Variants in GNA11 observed in about 807,000 individuals in gnomAD.
GNA11 encodes the protein guanine nucleotide-binding protein subunit alpha-11.
GNA11 carries 8 observed loss-of-function variants against 38.2 expected under a neutral mutation model. The ratio of observed to expected loss-of-function variants is 0.21; its 90% CI spans 0.12 to 0.38. GNA11 has a LOEUF of 0.38. Ranked by LOEUF, GNA11 falls within the 10% of genes least tolerant of loss-of-function variation. The pLI is 1.00. For missense variants in GNA11, 268 were observed against 516.3 expected, an observed-to-expected ratio of 0.52 and a Z score of 4.66; for synonymous variants, 211 against 221.4, an observed-to-expected ratio of 0.95 and a Z score of 0.42.
In GNA11 at chr19:3,119,501, TCTC is replaced by T; in HGVS notation, c.889+143_889+145del. On this transcript the variant is annotated intron_variant, in intron 6 of 6. Coordinates refer to ENST00000078429, the MANE Select transcript of GNA11 (RefSeq NM_002067.5). This position sits in a 1 kb window ranked among gnomAD's most constrained non-coding sequence, Gnocchi z 4.6. ...GGAGGTGTCATGTATGGGAGTGGAGTCTCAGGGAAGGGAGATCTCGTATGAGGG... is the reference window on the plus strand; with the variant it reads ...GGAGGTGTCATGTATGGGAGTGGAGTAGGGAAGGGAGATCTCGTATGAGGG... The T allele has an allele frequency of 6.2e-6, 4 of 643,930 alleles. No individual in the cohort carries two copies. The highest frequency in any genetic ancestry group is 7.6e-6 in the Non-Finnish European group (3 of 395,938). 39.9% of individuals were successfully genotyped at this position (643,930 alleles called of 1,614,324 possible).
At position 3,094,996 on chromosome 19, in the gene GNA11, C is replaced by T. The variant is rs1311942208; in HGVS notation, c.136+209C>T. The stretch of plus-strand genomic sequence containing the variant: ...TCAGCCCTGCCTGTGCCTTCACTGC[C>T]TGTCCGGGTCGGGGCGGGGCCCTCC... On this transcript the variant is annotated intron_variant, in intron 1 of 6. Coordinates refer to ENST00000078429, the MANE Select transcript of GNA11 (RefSeq NM_002067.5). This position sits in a 1 kb window ranked among gnomAD's most constrained non-coding sequence, Gnocchi z 6.0. Among the ~76,000 whole-genome samples the T allele has an allele frequency of 2.6e-5, 4 of 151,614 alleles. No homozygotes were observed. The East Asian group carries it at 7.8e-4, about 30-fold the overall frequency.
Position 3,122,679 on chromosome 19 carries a change from GC to G in GNA11, c.*1502del. 4.3e-6 allele frequency: 1 copy of G among 233,518 alleles called. No individual in the cohort carries two copies. The highest frequency in any genetic ancestry group is 8.5e-6 in the Non-Finnish European group (1 of 118,306). The allele number at this position is 233,518 out of a possible 1,614,324, so 14.5% of individuals were successfully genotyped here. ...TGGATCGCCTGTGCTGCCTTCGCCC[GC>G]CGCCACACCGGGACCCTGCACGGCT... On this transcript the variant is annotated 3_prime_UTR_variant, in exon 7 of 7. Transcript: ENST00000078429. This position sits in a 1 kb window ranked among gnomAD's most constrained non-coding sequence, Gnocchi z 7.7.
In GNA11 at chr19:3,094,408, T is replaced by A. The variant is rs960791044; in HGVS notation, c.-244T>A. On this transcript the variant is annotated 5_prime_UTR_variant, in exon 1 of 7. Coordinates refer to ENST00000078429, the MANE Select transcript of GNA11 (RefSeq NM_002067.5). This position sits in a 1 kb window ranked among gnomAD's most constrained non-coding sequence, Gnocchi z 6.0. Reference sequence around the variant, plus strand: ...CGGTTGCGGCGGCTGCGGTTGGCGGTGGCTGCGGCGGCGGCGCGGGCTGAG... The same window carrying A: ...CGGTTGCGGCGGCTGCGGTTGGCGGAGGCTGCGGCGGCGGCGCGGGCTGAG... The A allele has an allele frequency of 2.7e-5, 4 of 148,450 alleles. No individual in the cohort carries two copies. The allele number at this position is 148,450 out of a possible 1,614,324, so 9.2% of individuals were successfully genotyped here. A position where few individuals can be genotyped will look rare whatever the true frequency, so the allele number is the denominator to read the frequency against.
At chr19:3,111,543 C>A (rs1169852035) in intron 2 of GNA11, among the ~76,000 whole-genome samples, 1 of 152,106 alleles carries the variant, frequency 6.6e-6, no homozygotes, top group Non-Finnish European at 1.5e-5. Flanking sequence ...ATGGAGGGAC[C>A]GCGTATTTGC....
At chr19:3,112,978 C>G (rs1007362991) in intron 2 of GNA11, among the ~76,000 whole-genome samples, 4 of 152,216 alleles carry the variant, frequency 2.6e-5, no homozygotes, top group African/African-American at 9.6e-5. Flanking sequence ...CGGCGCTGCA[C>G]TGCCCTCCTG....
chr19:3,123,884 C>CT lies in GNA11; in HGVS notation c.*2705_*2706insT, dbSNP rs1447233985. 6 of 232,488 alleles carry CT rather than the reference C, an allele frequency of 2.6e-5. No homozygotes were observed. Among genetic ancestry groups the CT allele is most frequent in the Non-Finnish European group, 5.1e-5 (6 of 117,654 alleles). 14.4% of individuals were successfully genotyped at this position (232,488 alleles called of 1,614,324 possible). On this transcript the variant is annotated 3_prime_UTR_variant, in exon 7 of 7. Coordinates refer to ENST00000078429, the MANE Select transcript of GNA11 (RefSeq NM_002067.5). ...GAGGGGCTGAGGAGCGGCTCAGTGT[C>CT]ACCTCCCACAGCCACCGGCCCTGAC... is the stretch of plus-strand genomic sequence containing the variant.
intron 1 of GNA11, among the ~76,000 whole-genome samples, chr19:3,103,784 A>G (rs945655752): frequency 1.3e-5 from 2 of 151,280 alleles, no homozygotes; most frequent in African/African-American, 4.9e-5. Context: ...GCTCACCACA[A>G]GCTCCGCCTC....
At chr19:3,115,167 G>T in intron 4 of GNA11, 95 bp downstream of exon 4, 1 of 1,411,902 alleles carries the variant, frequency 7.1e-7, no homozygotes, top group Non-Finnish European at 9.8e-7. Context: ...GCTTTGGGAG[G>T]CCAAGGCGGG....
rs1170289715 is a variant in GNA11, at chr19:3,094,371, G to C, written c.-281G>C. The C allele has an allele frequency of 2.1e-4, 31 of 149,106 alleles. No homozygotes were observed. The highest frequency in any genetic ancestry group is 2.0e-4 in the Admixed American group (3 of 14,976). 9.2% of individuals were successfully genotyped at this position (149,106 alleles called of 1,614,324 possible). A position where few individuals can be genotyped will look rare whatever the true frequency, so the allele number is the denominator to read the frequency against. ...GCGCTCCCAGCCTGCTAGGTTGTCCGGCGCTGTCGCTCGGTTGCGGCGGCT... is the reference window on the plus strand; with the variant it reads ...GCGCTCCCAGCCTGCTAGGTTGTCCCGCGCTGTCGCTCGGTTGCGGCGGCT... On this transcript the variant is annotated 5_prime_UTR_variant, in exon 1 of 7. Transcript: ENST00000078429. This position sits in a 1 kb window ranked among gnomAD's most constrained non-coding sequence, Gnocchi z 6.0.
rs749256854 is a variant in GNA11, at chr19:3,110,303, C to G, written c.291C>G (p.Leu97=). Residue 97 remains leucine (L), a synonymous_variant, in exon 2 of 7, where the codon CTC becomes CTG. Coordinates refer to ENST00000078429, the MANE Select transcript of GNA11 (RefSeq NM_002067.5). The surrounding 1 kb of genome is among the most constrained non-coding windows in gnomAD (Gnocchi z 5.4). The stretch of plus-strand genomic sequence containing the variant: ...CCATGATCCGGGCCATGGAGACGCT[C>G]AAGATCCTCTACAAGTACGAGCAGA... ...MQAMIRAMET[L]KILYKYEQNK... 16 of 1,613,888 alleles carry G rather than the reference C, an allele frequency of 9.9e-6. No individual in the cohort carries two copies. Among genetic ancestry groups the G allele is most frequent in the Admixed American group, 1.7e-5 (1 of 60,002 alleles).
chr19:3,115,881 G>A (rs8101772), intron 4 of GNA11, among the ~76,000 whole-genome samples: 10 of 132,662 alleles, frequency 7.5e-5, no homozygotes, highest in South Asian at 2.4e-4. Context: ...TGTGAGGGGA[G>A]GAGGGGTCAT....
intron 4 of GNA11, among the ~76,000 whole-genome samples, chr19:3,116,146 C>T (rs1023408359): frequency 2.0e-5 from 3 of 152,064 alleles, no homozygotes; most frequent in Non-Finnish European, 2.9e-5. Flanking sequence ...GCCGGGTTCT[C>T]CCTGGGGACC....
chr19:3,103,180 G>C (rs1913546916), intron 1 of GNA11, among the ~76,000 whole-genome samples: 1 of 152,208 alleles, frequency 6.6e-6, no homozygotes, highest in South Asian at 2.1e-4. Flanking sequence ...TGGGTTACTT[G>C]AATCTTTATA....
At position 3,115,007 on chromosome 19, in the gene GNA11, G is replaced by A. The variant is rs1405333021; in HGVS notation, c.540G>A (p.Leu180=). ...LGYLPTQQDV[L]RVRVPTTGII... Reference sequence around the variant, plus strand: ...ACCTGCCCACCCAGCAGGACGTGCTGCGGGTCCGCGTGCCCACCACCGGCA... The same window carrying A: ...ACCTGCCCACCCAGCAGGACGTGCTACGGGTCCGCGTGCCCACCACCGGCA... Residue 180 remains leucine (L), a synonymous_variant, in exon 4 of 7, where the codon CTG becomes CTA. Transcript: ENST00000078429. 2.5e-6 allele frequency: 4 copies of A among 1,613,144 alleles called. No homozygotes were observed. Among genetic ancestry groups the A allele is most frequent in the African/African-American group, 2.7e-5 (2 of 74,944 alleles).
At chr19:3,103,373 C>T (rs1054326204) in intron 1 of GNA11, among the ~76,000 whole-genome samples, 5 of 151,872 alleles carry the variant, frequency 3.3e-5, no homozygotes, top group Middle Eastern at 3.4e-3. Context: ...CCACCACACC[C>T]GGCTAATTTT....
intron 1 of GNA11, among the ~76,000 whole-genome samples, chr19:3,099,392 G>A (rs1447920256): frequency 6.6e-6 from 1 of 152,204 alleles, no homozygotes; most frequent in Non-Finnish European, 1.5e-5. Flanking sequence ...GCGGCCAGGG[G>A]CTCTGGGAAG....
intron 1 of GNA11, among the ~76,000 whole-genome samples, chr19:3,102,929 T>C (rs921809557): frequency 6.6e-6 from 1 of 152,248 alleles, no homozygotes; most frequent in African/African-American, 2.4e-5. Context: ...TCATGGGTGC[T>C]GACAAACGGT....
rs77053517 is a variant in GNA11 at position 3,098,944 on chromosome 19, C to T, written c.136+4157C>T. 7.8e-3 allele frequency among the ~76,000 whole-genome samples: 1,195 copies of T among 152,308 alleles called. 8 individuals are homozygous for T. The highest frequency in any genetic ancestry group is 0.027 in the African/African-American group (1,136 of 41,574). On this transcript the variant is annotated intron_variant, in intron 1 of 6. Transcript: ENST00000078429. ...TGTGGCTGAAAGGGTCTGCTTTTCC[C>T]GGGCATGGTCCGGGAAGCTCCGTTC...
intron 1 of GNA11, among the ~76,000 whole-genome samples, chr19:3,095,820 C>T (rs1344424629): frequency 6.6e-6 from 1 of 152,128 alleles, no homozygotes; most frequent in African/African-American, 2.4e-5. Flanking sequence ...AGCCCCCCAC[C>T]TGCCGGCTCC....
Sources: gnomAD v4.1 joint callset for allele counts (sites outside exome capture counted in the v4.1 genomes callset) on GRCh38, gnomAD v4.1.1 for gene constraint, Gnocchi (gnomAD v3.1) non-coding constraint, MANE v1.5 for transcripts, NCBI Gene and HGNC (gene_info 2026-07-23, HGNC 2026-07-21) for gene names.